TBC1D1: variants seen among roughly 807,000 people sequenced by gnomAD.
The protein encoded by TBC1D1 is TBC1 domain family member 1, also known as TBC1 (tre-2/USP6, BUB2, cdc16) domain family, member 1.
Under a neutral mutation model 125.6 loss-of-function variants are expected in TBC1D1, and 89 were observed. The observed-to-expected ratio is 0.71, with a 90% CI of 0.60 to 0.85. The LOEUF is 0.85. TBC1D1 is among the 40% of genes least tolerant of loss of function. The pLI is 0.00. For missense variants in TBC1D1, 1,377 were observed against 1,469.2 expected (o/e 0.94, Z 1.03); for synonymous variants, 565 against 564.1 (o/e 1.00, Z -0.02).
intron 2 of TBC1D1, among the ~76,000 whole-genome samples, chr4:37,936,683 T>C (rs529177424): frequency 6.6e-6 from 1 of 152,202 alleles, no homozygotes; most frequent in South Asian, 2.1e-4. Flanking sequence ...TAATATAAGT[T>C]GCAAAGTACA....
At chr4:38,075,051 G>T (rs1019856101) in intron 12 of TBC1D1, among the ~76,000 whole-genome samples, 2 of 152,120 alleles carry the variant, frequency 1.3e-5, no homozygotes, top group Non-Finnish European at 2.9e-5. Context: ...GAGCCACCGC[G>T]CCTGGCCACA....
At chr4:37,917,891 C>A (rs1720067118) in intron 2 of TBC1D1, among the ~76,000 whole-genome samples, 1 of 152,084 alleles carries the variant, frequency 6.6e-6, no homozygotes, top group East Asian at 1.9e-4. Flanking sequence ...CAGATACAGT[C>A]AGTTTATATA....
chr4:37,986,144 G>A (rs1735403135), intron 2 of TBC1D1, among the ~76,000 whole-genome samples: 1 of 152,116 alleles, frequency 6.6e-6, no homozygotes, highest in Non-Finnish European at 1.5e-5. Context: ...TTAGGGTGGT[G>A]GTCATTCTAG....
chr4:37,993,096 G>A (rs1578187544), intron 2 of TBC1D1, among the ~76,000 whole-genome samples: 2 of 152,210 alleles, frequency 1.3e-5, no homozygotes, highest in Middle Eastern at 6.8e-3. Context: ...GAGCCACCGC[G>A]CCCGGCCTGG....
chr4:38,060,284 C>A (rs1381107216), intron 12 of TBC1D1, among the ~76,000 whole-genome samples: 1 of 152,100 alleles, frequency 6.6e-6, no homozygotes, highest in Admixed American at 6.5e-5. Context: ...AGTTCTAGAT[C>A]TTTGAGGAAT....
chr4:38,111,023 G>C (rs1157228791), intron 15 of TBC1D1, among the ~76,000 whole-genome samples: 2 of 152,254 alleles, frequency 1.3e-5, no homozygotes, highest in Admixed American at 1.3e-4. Flanking sequence ...GTGAGGGGCT[G>C]AGTGTGTTCT....
intron 12 of TBC1D1, among the ~76,000 whole-genome samples, chr4:38,087,207 C>T (rs1757632751): frequency 1.3e-5 from 2 of 152,222 alleles, no homozygotes; most frequent in South Asian, 4.1e-4. Flanking sequence ...TCTTAAATCT[C>T]ACAGTTGTCG....
chr4:38,045,629 AGT>A (rs1223856576), intron 9 of TBC1D1, among the ~76,000 whole-genome samples, 186 bp from the exon 10 acceptor site: 5 of 152,194 alleles, frequency 3.3e-5, no homozygotes. Flanking sequence ...CGTTTAGGTT[AGT>A]GTCTTATTTA....
intron 2 of TBC1D1, among the ~76,000 whole-genome samples, chr4:37,982,327 G>C (rs1044123763): frequency 2.0e-5 from 3 of 152,196 alleles, no homozygotes; most frequent in African/African-American, 7.2e-5. Context: ...TCCTTGATGT[G>C]TGTCCTAGGT....
chr4:38,031,814 G>A (rs1402797118), intron 7 of TBC1D1, among the ~76,000 whole-genome samples: 7 of 152,086 alleles, frequency 4.6e-5, no homozygotes, highest in Admixed American at 6.5e-5. Context: ...TCTGAATTGC[G>A]TTTATGACAA....
chr4:38,127,925 G>A (rs1560273927), intron 18 of TBC1D1, among the ~76,000 whole-genome samples: 1 of 152,094 alleles, frequency 6.6e-6, no homozygotes, highest in Non-Finnish European at 1.5e-5. Flanking sequence ...GGGTCATAAC[G>A]TCACAACTAC....
chr4:37,896,886 AG>A (rs2152211576), intron 1 of TBC1D1, among the ~76,000 whole-genome samples: 1 of 152,146 alleles, frequency 6.6e-6, no homozygotes, highest in East Asian at 1.9e-4. Context: ...CACATTAACA[AG>A]ATTATTGAAA....
Position 38,124,993 on chromosome 4 carries a change from A to C in TBC1D1, c.2994A>C (p.Ile998=). 4 of 1,614,098 alleles carry C rather than the reference A, an allele frequency of 2.5e-6. No individual in the cohort carries two copies. Among genetic ancestry groups the C allele is most frequent in the Non-Finnish European group, 3.4e-6 (4 of 1,180,018 alleles). ...TTTTTCTTCAGGGAACAGAGGTCAT[A>C]TTTAAAGTGGCTTTAAGTCTGTTGG... The change falls in exon 18 of 20, where the codon ATA becomes ATC. Residue 998 remains isoleucine (I), a synonymous_variant. Coordinates refer to ENST00000261439, the MANE Select transcript of TBC1D1 (RefSeq NM_015173.4).
At chr4:38,128,701 C>T (rs2152626230) in intron 18 of TBC1D1, among the ~76,000 whole-genome samples, 1 of 152,272 alleles carries the variant, frequency 6.6e-6, no homozygotes, top group East Asian at 1.9e-4. Flanking sequence ...TGAAAGCAGC[C>T]AGAGAGGGCA....
At chr4:38,026,932 A>G (rs1210793628) in intron 6 of TBC1D1, among the ~76,000 whole-genome samples, 2 of 152,192 alleles carry the variant, frequency 1.3e-5, no homozygotes, top group Non-Finnish European at 2.9e-5. Context: ...ACATGCATCA[A>G]TTTTCCGTGA....
chr4:38,061,616 A>G (rs1313648440), intron 12 of TBC1D1, among the ~76,000 whole-genome samples: 2 of 152,214 alleles, frequency 1.3e-5, no homozygotes, highest in Admixed American at 6.5e-5. Context: ...TTTGAAACCC[A>G]TTGTATAAGA....
At chr4:38,046,328 C>T (rs922334279) in intron 10 of TBC1D1, among the ~76,000 whole-genome samples, 7 of 150,914 alleles carry the variant, frequency 4.6e-5, no homozygotes, top group African/African-American at 9.8e-5. Context: ...GCCAAGATCA[C>T]GCCACTGCAC....
intron 2 of TBC1D1, among the ~76,000 whole-genome samples, chr4:38,000,209 T>C (rs1332113305): frequency 6.6e-6 from 1 of 152,194 alleles, no homozygotes; most frequent in Admixed American, 6.5e-5. Flanking sequence ...ACATGACTCG[T>C]GGTGGTGGTG....
chr4:38,059,313 AGAGG>A (rs1209786283), intron 12 of TBC1D1, among the ~76,000 whole-genome samples: 1 of 152,232 alleles, frequency 6.6e-6, no homozygotes, highest in Non-Finnish European at 1.5e-5. Context: ...CCTGAACCTC[AGAGG>A]GTCCCTGCTT....
Sources: gnomAD v4.1 joint callset for allele counts (sites outside exome capture counted in the v4.1 genomes callset) on GRCh38, gnomAD v4.1.1 for gene constraint, MANE v1.5 for transcripts, NCBI Gene and HGNC (gene_info 2026-07-23, HGNC 2026-07-21) for gene names.